The following ZNF829 variants were observed in gnomAD, a reference collection of about 807,000 sequenced individuals.
The protein encoded by ZNF829 is zinc finger protein 829.
In ZNF829, 25 loss-of-function variants were observed where a neutral mutation model predicts 35.2. The ratio of observed to expected loss-of-function variants is 0.71; its 90% confidence interval spans 0.52 to 0.99. The LOEUF (loss-of-function observed/expected upper bound fraction) is 0.99, where lower values mean the gene tolerates loss of function less well. ZNF829 is among the 50% of genes least tolerant of loss of function. ZNF829 has a pLI of 0.00. For missense variants in ZNF829, 417 were observed against 515.3 expected (o/e 0.81, Z 1.85); for synonymous variants, 136 against 163.2 (o/e 0.83, Z 1.27).
At position 36,891,545 on chromosome 19, in the gene ZNF829, C is replaced by G. The variant is rs1315733972; in HGVS notation, c.1246G>C (p.Ala416Pro). 6.2e-7 allele frequency: 1 copy of G among 1,606,298 alleles called. No homozygotes were observed. Among genetic ancestry groups the G allele is most frequent in the South Asian group, 1.1e-5 (1 of 89,824 alleles). ...ATGAGGTCAGAGCGACTACCAAAAGCCTTTCCACATTCCTTACAGTCATAG... is the reference window on the plus strand; with the variant it reads ...ATGAGGTCAGAGCGACTACCAAAAGGCTTTCCACATTCCTTACAGTCATAG... ...KPYDCKECGK[A>P]FGSRSDLIRH... The change falls in exon 6 of 6, where the codon GCT (alanine) becomes CCT (proline). Residue 416 changes from alanine to proline, a missense_variant. Physicochemically the swap from Ala to Pro is conservative, Grantham distance 27. Coordinates refer to ENST00000391711, the MANE Select transcript of ZNF829 (RefSeq NM_001037232.4).
At chr19:36,911,051 C>T (rs1353192861) in intron 3 of ZNF829, among the ~76,000 whole-genome samples, 1 of 152,020 alleles carries the variant, frequency 6.6e-6, no homozygotes, top group Non-Finnish European at 1.5e-5. Flanking sequence ...AAACTATCAT[C>T]ATAAGTATAG....
Position 36,891,790 on chromosome 19 carries a change from T to C in ZNF829, c.1001A>G (p.Asn334Ser). The change falls in exon 6 of 6, where the codon AAT (asparagine) becomes AGT (serine). Residue 334 changes from asparagine (N) to serine (S), a missense_variant. Transcript: ENST00000391711. ...ATGGTTAGTAAGTGTTGAGGCACTA[T>C]TAAAGGCCTTCCCACACTGCTTACA... Reference protein sequence around the residue: ...YECKQCGKAFNSASTLTNHHR... With the variant: ...YECKQCGKAFSSASTLTNHHR... 1 of 1,614,130 alleles carries C rather than the reference T, an allele frequency of 6.2e-7. No homozygotes were observed. The highest frequency in any genetic ancestry group is 8.5e-7 in the Non-Finnish European group (1 of 1,180,022).
chr19:36,914,088 T>C (rs2073285377), intron 3 of ZNF829, among the ~76,000 whole-genome samples: 1 of 152,134 alleles, frequency 6.6e-6, no homozygotes, highest in African/African-American at 2.4e-5. Flanking sequence ...CAAAAACCAG[T>C]TGCAACTATA....
intron 5 of ZNF829, among the ~76,000 whole-genome samples, chr19:36,904,647 G>A (rs1399547777): frequency 1.3e-5 from 2 of 152,124 alleles, no homozygotes; most frequent in South Asian, 2.1e-4. Flanking sequence ...TGATCTGCCC[G>A]CCTCGGCCTC....
At position 36,908,323 on chromosome 19, in the gene ZNF829, T is replaced by C. The variant is rs2073235772; in HGVS notation, c.223+10A>G. On this transcript the variant is annotated intron_variant, in intron 4 of 5. Transcript: ENST00000391711. ...GCACACTCTGAATTTTGGGGAATAG[T>C]TATCCTTACCCACTGAAACCAGGTT... 6.2e-7 allele frequency: 1 copy of C among 1,608,432 alleles called. No individual in the cohort carries two copies. Among genetic ancestry groups the C allele is most frequent in the African/African-American group, 1.3e-5 (1 of 74,792 alleles).
intron 4 of ZNF829, 148 bp downstream of exon 4, chr19:36,908,185 C>G: frequency 7.8e-7 from 1 of 1,289,734 alleles, no homozygotes; most frequent in South Asian, 1.5e-5. Context: ...TGCCCACTTC[C>G]AACTCTTCCA....
intron 5 of ZNF829, among the ~76,000 whole-genome samples, chr19:36,895,995 T>C (rs1352940333): frequency 6.6e-6 from 1 of 152,094 alleles, no homozygotes; most frequent in African/African-American, 2.4e-5. Context: ...GACGAAACCC[T>C]GTCTCTACTA....
chr19:36,895,379 A>C (rs1056664686), intron 5 of ZNF829, among the ~76,000 whole-genome samples: 3 of 152,206 alleles, frequency 2.0e-5, no homozygotes, highest in Non-Finnish European at 4.4e-5. Context: ...CTGGTAGAGC[A>C]GATACACAAA....
Position 36,892,108 on chromosome 19 carries a change from G to A in ZNF829, c.683C>T (p.Ser228Phe). Reference sequence around the variant, plus strand: ...ACCAGTGTGAATCCTCTGATGTTGAGAAAAATATGAACTACAACTAAAAGC... The same window carrying A: ...ACCAGTGTGAATCCTCTGATGTTGAAAAAAATATGAACTACAACTAAAAGC... ...GKAFSCSSYFSQHQRIHTGEK... is the reference protein window; with the variant it reads ...GKAFSCSSYFFQHQRIHTGEK... Residue 228 changes from serine to phenylalanine, a missense_variant, in exon 6 of 6, where the codon TCT (serine) becomes TTT (phenylalanine). Coordinates refer to ENST00000391711, the MANE Select transcript of ZNF829 (RefSeq NM_001037232.4). 1 of 1,613,928 alleles carries A rather than the reference G, an allele frequency of 6.2e-7. No individual in the cohort carries two copies. The highest frequency in any genetic ancestry group is 8.5e-7 in the Non-Finnish European group (1 of 1,179,952).
At chr19:36,908,514 A>G (rs1319382512) in intron 3 of ZNF829, 55 bp from the exon 4 acceptor site, 2 of 1,550,502 alleles carry the variant, frequency 1.3e-6, no homozygotes, top group Admixed American at 2.0e-5. Flanking sequence ...AGATGGCGGT[A>G]GAGGTGGCAA....
chr19:36,915,231 AC>A lies in ZNF829; in HGVS notation c.-65del, dbSNP rs775816378. On this transcript the variant is annotated 5_prime_UTR_variant, in exon 2 of 6. It removes the in-frame stop codon of an upstream open reading frame in the 5' UTR. Coordinates refer to ENST00000391711, the MANE Select transcript of ZNF829 (RefSeq NM_001037232.4). ...CACTGCTGTCCAGGGTTGGAATCTG[AC>A]CAGACCTCAGAGAGGTTTCCTAGAG... is the stretch of plus-strand genomic sequence containing the variant. 21 of 1,613,586 alleles carry A rather than the reference AC, an allele frequency of 1.3e-5. No homozygotes were observed. Among genetic ancestry groups the A allele is most frequent in the Non-Finnish European group, 1.6e-5 (19 of 1,179,900 alleles).
Position 36,889,137 on chromosome 19 carries a change from A to T in ZNF829, c.*2355T>A, listed in dbSNP as rs1394155126. The T allele has an allele frequency of 6.6e-6, 1 of 152,162 alleles. No individual in the cohort carries two copies. The highest frequency in any genetic ancestry group is 1.5e-5 in the Non-Finnish European group (1 of 68,024). The allele number at this position is 152,162 out of a possible 1,614,324, so 9.4% of individuals were successfully genotyped here. On this transcript the variant is annotated 3_prime_UTR_variant, in exon 6 of 6. Coordinates refer to ENST00000391711, the MANE Select transcript of ZNF829 (RefSeq NM_001037232.4). Reference sequence around the variant, plus strand: ...TGTTGAGCCATCCTTACACCCCAGGAATAAAATCCACTTGACTGTGCTGTT... The same window carrying T: ...TGTTGAGCCATCCTTACACCCCAGGTATAAAATCCACTTGACTGTGCTGTT...
At chr19:36,911,664 G>T (rs2073265707) in intron 3 of ZNF829, among the ~76,000 whole-genome samples, 1 of 152,100 alleles carries the variant, frequency 6.6e-6, no homozygotes, top group Non-Finnish European at 1.5e-5. Context: ...CTCACCTTAG[G>T]ACAAGCAAGG....
At chr19:36,915,858 C>G (rs2073321322) in intron 1 of ZNF829, 153 bp downstream of exon 1, 2 of 1,535,942 alleles carry the variant, frequency 1.3e-6, no homozygotes, top group East Asian at 2.4e-5. Flanking sequence ...GCCTCCCAAA[C>G]ACAACCTCCA....
At chr19:36,894,593 T>C (rs2073094247) in intron 5 of ZNF829, among the ~76,000 whole-genome samples, 1 of 151,908 alleles carries the variant, frequency 6.6e-6, no homozygotes, top group African/African-American at 2.4e-5. Context: ...ATTCAGCAGA[T>C]AGATATCATG....
At chr19:36,901,037 G>T (rs2073161479) in intron 5 of ZNF829, among the ~76,000 whole-genome samples, 1 of 151,988 alleles carries the variant, frequency 6.6e-6, no homozygotes, top group African/African-American at 2.4e-5. Context: ...AAACCTGAAA[G>T]AACTGAAAGC....
rs919148631 is a variant in ZNF829, at chr19:36,892,138, C to A, written c.653G>T (p.Gly218Val). The stretch of plus-strand genomic sequence containing the variant: ...ATATGAACTACAACTAAAAGCCTTG[C>A]CACATTCCTTACATTCATAGGGTTT... ...GKKPYECKEC[G>V]KAFSCSSYFS... The change falls in exon 6 of 6, where the codon GGC becomes GTC. Residue 218 changes from glycine (G) to valine (V), a missense_variant. Coordinates refer to ENST00000391711, the MANE Select transcript of ZNF829 (RefSeq NM_001037232.4). 5 of 1,613,908 alleles carry A rather than the reference C, an allele frequency of 3.1e-6. No individual in the cohort carries two copies. The African/African-American group carries it at 5.3e-5, about 17-fold the overall frequency.
rs75623420 is a variant in ZNF829 at position 36,897,788 on chromosome 19, T to C, written c.320-5317A>G. On this transcript the variant is annotated intron_variant, in intron 5 of 5. Transcript: ENST00000391711. ...TTTACAGATGACATGATCTTACATA[T>C]ATTTAAAAACCTAAAGATGCCACCA... Among the ~76,000 whole-genome samples the C allele has an allele frequency of 5.3e-3, 812 of 152,288 alleles. 9 individuals are homozygous for C. Among genetic ancestry groups the C allele is most frequent in the African/African-American group, 0.018 (760 of 41,556 alleles).
chr19:36,892,795 AAT>A, intron 5 of ZNF829: 4 of 573,416 alleles, frequency 7.0e-6, no homozygotes, highest in Non-Finnish European at 1.0e-5. Flanking sequence ...AAAAAAAAAA[AAT>A]TTTTTTTGCC....
Sources: gnomAD v4.1 joint callset for allele counts (sites outside exome capture counted in the v4.1 genomes callset) on GRCh38, gnomAD v4.1.1 for gene constraint, MANE v1.5 for transcripts, NCBI Gene and HGNC (gene_info 2026-07-23, HGNC 2026-07-21) for gene names.